DLG2: variants seen among roughly 807,000 people sequenced by gnomAD.
The protein encoded by DLG2 is disks large homolog 2.
Under a neutral mutation model 132.5 loss-of-function variants are expected in DLG2, and 45 were observed. The ratio of observed to expected loss-of-function variants is 0.34; its 90% confidence interval spans 0.27 to 0.44. The LOEUF is 0.44. Among genes scored for constraint, DLG2 ranks in the 20% least tolerant of loss-of-function variants. The probability of loss-of-function intolerance (pLI) is 1.00; values close to 1 mark genes in which losing one functional copy is unlikely to be tolerated. For synonymous variants in DLG2, 424 were observed against 419.6 expected, an observed-to-expected ratio of 1.01 and a Z score of -0.13; for missense variants, 1,045 against 1,196.9, an observed-to-expected ratio of 0.87 and a Z score of 1.87.
At chr11:85,068,501 C>A (rs1436808518) in intron 6 of DLG2, among the ~76,000 whole-genome samples, 1 of 152,070 alleles carries the variant, frequency 6.6e-6, no homozygotes, top group Non-Finnish European at 1.5e-5. Flanking sequence ...TTCTTATACA[C>A]CAATAGCAGA....
At position 85,557,558 on chromosome 11, in the gene DLG2, C is replaced by T. The variant is rs188837316; in HGVS notation, c.40+41099G>A. On this transcript the variant is annotated intron_variant, in intron 3 of 27. Transcript: ENST00000376104. ...TCACATTACCCGACCTCAAACTACA[C>T]CCTAAAGCTACAGTACCAAAACAGC... Among the ~76,000 whole-genome samples, 29 of 151,906 alleles carry T rather than the reference C, an allele frequency of 1.9e-4. No homozygotes were observed. In the East Asian group the frequency reaches 5.6e-3, roughly 29 times the overall value.
chr11:84,634,441 T>A (rs2099637244), intron 6 of DLG2, among the ~76,000 whole-genome samples: 1 of 152,198 alleles, frequency 6.6e-6, no homozygotes, highest in Non-Finnish European at 1.5e-5. Context: ...GACTACAACC[T>A]ACTCTTTATC....
intron 17 of DLG2, among the ~76,000 whole-genome samples, chr11:83,791,875 T>A (rs1165035641): frequency 6.6e-6 from 1 of 152,206 alleles, no homozygotes; most frequent in Non-Finnish European, 1.5e-5. Flanking sequence ...CTCCAGCTTG[T>A]GTGTACTTTT....
intron 12 of DLG2, among the ~76,000 whole-genome samples, chr11:83,973,482 A>C (rs35214333): frequency 0.1 from 15,903 of 152,074 alleles, 1,261 homozygotes; most frequent in African/African-American, 0.22. Flanking sequence ...GTGACTTTAA[A>C]CTCAGGGGAC....
intron 8 of DLG2, among the ~76,000 whole-genome samples, chr11:84,212,905 A>G (rs1369658901): frequency 1.3e-5 from 2 of 152,068 alleles, no homozygotes; most frequent in Non-Finnish European, 2.9e-5. Flanking sequence ...TGATCCGCCC[A>G]CCTCAGCTCC....
chr11:83,859,588 G>A (rs1419837107), intron 16 of DLG2, among the ~76,000 whole-genome samples: 4 of 152,184 alleles, frequency 2.6e-5, no homozygotes. Context: ...AAGGCATTCA[G>A]TTTTAAAAGG....
At chr11:84,069,065 T>C (rs560053377) in intron 10 of DLG2, among the ~76,000 whole-genome samples, 1 of 152,280 alleles carries the variant, frequency 6.6e-6, no homozygotes, top group Non-Finnish European at 1.5e-5. Context: ...TCTCACACTT[T>C]GGGGAGGGCT....
At chr11:84,555,715 G>C (rs1241366522) in intron 6 of DLG2, among the ~76,000 whole-genome samples, 1 of 152,206 alleles carries the variant, frequency 6.6e-6, no homozygotes, top group Non-Finnish European at 1.5e-5. Context: ...TTTACAAGAG[G>C]AAGAAGTTCG....
intron 16 of DLG2, among the ~76,000 whole-genome samples, chr11:83,841,087 C>T (rs888670041): frequency 6.6e-6 from 1 of 152,120 alleles, no homozygotes; most frequent in African/African-American, 2.4e-5. Flanking sequence ...ATATAATAGC[C>T]CACATTTCTA....
At chr11:84,279,796 T>C (rs112189178) in intron 7 of DLG2, among the ~76,000 whole-genome samples, 237 of 152,264 alleles carry the variant, frequency 1.6e-3, no homozygotes, top group African/African-American at 5.5e-3. Flanking sequence ...CATCACACAC[T>C]GGGGCCTGTT....
At chr11:84,780,081 A>G (rs1296461098) in intron 6 of DLG2, among the ~76,000 whole-genome samples, 1 of 152,084 alleles carries the variant, frequency 6.6e-6, no homozygotes, top group Non-Finnish European at 1.5e-5. Context: ...GGACACAACA[A>G]AAATAGAAAA....
At chr11:84,144,866 C>T (rs571868453) in intron 9 of DLG2, among the ~76,000 whole-genome samples, 12 of 152,264 alleles carry the variant, frequency 7.9e-5, no homozygotes, top group African/African-American at 2.9e-4. Context: ...AATATAGAGC[C>T]AAAGCTGTTA....
intron 7 of DLG2, among the ~76,000 whole-genome samples, chr11:84,475,589 G>T (rs1167280331): frequency 2.6e-5 from 4 of 152,056 alleles, no homozygotes; most frequent in Non-Finnish European, 5.9e-5. Context: ...CAACCTAGTT[G>T]TTAACATGTT....
intron 11 of DLG2, among the ~76,000 whole-genome samples, chr11:84,027,179 G>C (rs1003548773): frequency 6.6e-6 from 1 of 152,032 alleles, no homozygotes; most frequent in Non-Finnish European, 1.5e-5. Flanking sequence ...TAGCTAAGTA[G>C]GGCTTCAGGT....
In DLG2 at chr11:83,833,614, C is replaced by T. The variant is rs753028868; in HGVS notation, c.1722G>A (p.Ser574=). ...GELQRGDQIL[S]VNGIDLRGAS... ...ATAAAGATTAAAGAAACATACTCAC[C>T]GATAGGATCTGGTCTCCTCTCTGGA... The change falls in exon 17 of 28, where the codon TCG becomes TCA. Residue 574 remains serine (S), a splice_region_variant and synonymous_variant. Coordinates refer to ENST00000376104, the MANE Select transcript of DLG2 (RefSeq NM_001142699.3). The T allele has an allele frequency of 7.4e-6, 12 of 1,612,048 alleles. No individual in the cohort carries two copies. Among genetic ancestry groups the T allele is most frequent in the Admixed American group, 5.0e-5 (3 of 59,588 alleles).
intron 6 of DLG2, among the ~76,000 whole-genome samples, chr11:84,906,955 T>C (rs191444400): frequency 6.6e-6 from 1 of 152,350 alleles, no homozygotes; most frequent in African/African-American, 2.4e-5. Context: ...AATGGAGCCA[T>C]TTCTAAATCC....
rs543782204 is a variant in DLG2 at position 85,482,079 on chromosome 11, G to A, written c.40+116578C>T. 1.9e-4 allele frequency among the ~76,000 whole-genome samples: 29 copies of A among 151,078 alleles called. 1 individual carries two copies. Among genetic ancestry groups the A allele is most frequent in the African/African-American group, 5.3e-4 (22 of 41,132 alleles). ...GAATCAGGCTCCAGACCAACCCCAA[G>A]GCCAGGCCAGCCCCTGTGGCCCCAG... On this transcript the variant is annotated intron_variant, in intron 3 of 27. Transcript: ENST00000376104.
At chr11:85,287,187 C>T (rs932493375) in intron 3 of DLG2, among the ~76,000 whole-genome samples, 9 of 151,698 alleles carry the variant, frequency 5.9e-5, no homozygotes, top group Admixed American at 4.6e-4. Context: ...CATTATGTAT[C>T]AATTATGCAT....
intron 3 of DLG2, among the ~76,000 whole-genome samples, chr11:85,565,418 T>A (rs1467463923): frequency 6.6e-6 from 1 of 152,100 alleles, no homozygotes; most frequent in African/African-American, 2.4e-5. Flanking sequence ...TGATTTTTAG[T>A]ATATTCACAA....
Sources: gnomAD v4.1 joint callset for allele counts (sites outside exome capture counted in the v4.1 genomes callset) on GRCh38, gnomAD v4.1.1 for gene constraint, MANE v1.5 for transcripts, NCBI Gene and HGNC (gene_info 2026-07-23, HGNC 2026-07-21) for gene names.